Variants in VPS50 observed in about 807,000 individuals in gnomAD.
VPS50 encodes VPS50 subunit of EARP/GARPII complex, also known as syndetin.
VPS50 carries 70 observed loss-of-function variants against 139.7 expected under a neutral mutation model. The observed-to-expected ratio is 0.50, with a 90% CI of 0.41 to 0.61. The LOEUF is 0.61. Among genes scored for constraint, VPS50 ranks in the 20% least tolerant of loss-of-function variants. The pLI is 0.00. For synonymous variants in VPS50, 365 were observed against 376.7 expected (o/e 0.97, Z 0.36); for missense variants, 921 against 1,133.7 (o/e 0.81, Z 2.69).
chr7:93,316,225 C>A (rs191358060), intron 20 of VPS50, among the ~76,000 whole-genome samples: 2 of 152,100 alleles, frequency 1.3e-5, no homozygotes, highest in Admixed American at 1.3e-4. Context: ...CATGACGGGG[C>A]CTGGAGGCAG....
chr7:93,350,119 TTA>T (rs1357186072), intron 25 of VPS50, 86 bp downstream of exon 25: 2 of 824,206 alleles, frequency 2.4e-6, no homozygotes, highest in Non-Finnish European at 3.7e-6. Flanking sequence ...AATAGTAAGA[TTA>T]TAGTTATTAC....
chr7:93,326,453 T>TAA (rs746975999), intron 21 of VPS50, among the ~76,000 whole-genome samples: 76 of 127,414 alleles, frequency 6.0e-4, no homozygotes, highest in South Asian at 2.6e-3. Flanking sequence ...ATAATAATAA[T>TAA]AAAAAAAAAA....
chr7:93,240,249 ACTCTCT>A (rs4015280), intron 2 of VPS50, among the ~76,000 whole-genome samples: 3 of 109,314 alleles, frequency 2.7e-5, no homozygotes, highest in Non-Finnish European at 5.6e-5. Context: ...ACACACACAC[ACTCTCT>A]CTCTCTCTCT....
chr7:93,268,687 A>G (rs1039793243), intron 9 of VPS50, among the ~76,000 whole-genome samples: 13 of 152,154 alleles, frequency 8.5e-5, no homozygotes, highest in Admixed American at 4.6e-4. Context: ...ATAGTATCCA[A>G]TGGTGTATAT....
chr7:93,243,552 T>G (rs1281104929), intron 2 of VPS50, among the ~76,000 whole-genome samples: 1 of 151,988 alleles, frequency 6.6e-6, no homozygotes, highest in Non-Finnish European at 1.5e-5. Flanking sequence ...GACCTAAAAT[T>G]TCATTCTTCG....
At chr7:93,251,288 A>T (rs1047039479) in intron 2 of VPS50, among the ~76,000 whole-genome samples, 2 of 152,198 alleles carry the variant, frequency 1.3e-5, no homozygotes, top group Non-Finnish European at 2.9e-5. Flanking sequence ...AATGCCCATC[A>T]AGGATAGACT....
chr7:93,278,780 G>A (rs188208926), intron 12 of VPS50, among the ~76,000 whole-genome samples: 1 of 144,848 alleles, frequency 6.9e-6, no homozygotes, highest in East Asian at 2.0e-4. Context: ...GTGATAGTAG[G>A]TGATATATAT....
chr7:93,311,451 T>G (rs1384050975), intron 20 of VPS50, among the ~76,000 whole-genome samples, 179 bp downstream of exon 20: 1 of 152,170 alleles, frequency 6.6e-6, no homozygotes, highest in Non-Finnish European at 1.5e-5. Flanking sequence ...ATACTAATAG[T>G]AATGCCAGTT....
chr7:93,294,389 A>G (rs116328235), intron 13 of VPS50, among the ~76,000 whole-genome samples, 156 bp from the exon 14 acceptor site: 2,275 of 152,198 alleles, frequency 0.015, 70 homozygotes, highest in African/African-American at 0.052. Flanking sequence ...TAAGTCTAAT[A>G]CCTATTGTTT....
chr7:93,320,973 C>T (rs1290096670), intron 20 of VPS50: 1 of 152,192 alleles, frequency 6.6e-6, no homozygotes, highest in Admixed American at 6.5e-5. Context: ...TACTGTCTGT[C>T]ATCTACAACA....
intron 20 of VPS50, among the ~76,000 whole-genome samples, chr7:93,314,758 G>A (rs1797373307): frequency 6.6e-6 from 1 of 152,116 alleles, no homozygotes; most frequent in African/African-American, 2.4e-5. Flanking sequence ...TAGGTATAAT[G>A]TGCCTGAGAT....
intron 10 of VPS50, 99 bp downstream of exon 10, chr7:93,271,361 A>G: frequency 1.4e-6 from 2 of 1,393,020 alleles, no homozygotes; most frequent in Non-Finnish European, 1.9e-6. Flanking sequence ...TGTTATTACC[A>G]ATGTCTCTAG....
chr7:93,309,196 G>T (rs1258564426), intron 19 of VPS50, among the ~76,000 whole-genome samples: 1 of 151,858 alleles, frequency 6.6e-6, no homozygotes, highest in Non-Finnish European at 1.5e-5. Flanking sequence ...AACCTTTGCT[G>T]GTATCTCACA....
In VPS50 at chr7:93,276,611, TTC is replaced by T. The variant is rs375183774; in HGVS notation, c.942+308_942+309del. Among the ~76,000 whole-genome samples the T allele has an allele frequency of 1.2e-3, 188 of 152,304 alleles. 1 individual carries two copies. The highest frequency in any genetic ancestry group is 4.3e-3 in the African/African-American group (180 of 41,572). Reference sequence around the variant, plus strand: ...TCTCTTATGAATGCATCCAGTAGGCTTCTAAGCAACCATCATTGCTGGTTTTC... The same window carrying T: ...TCTCTTATGAATGCATCCAGTAGGCTTAAGCAACCATCATTGCTGGTTTTC... On this transcript the variant is annotated intron_variant, in intron 12 of 27. Transcript: ENST00000305866.
chr7:93,259,592 CA>C lies in VPS50; in HGVS notation c.624del (p.Ala209LeufsTer11). The C allele has an allele frequency of 1.2e-6, 2 of 1,602,762 alleles. No homozygotes were observed. Among genetic ancestry groups the C allele is most frequent in the Non-Finnish European group, 1.7e-6 (2 of 1,170,250 alleles). The stretch of plus-strand genomic sequence containing the variant: ...AGCTATTCAGTTGTGCCTTGAATGT[CA>C]AAAAGCTGCCAGCACTTTTAAACAT... Reference protein sequence around the residue: ...PGAIQLCLECQKAASTFKHYS... With the variant: ...PGAIQLCLECXKAASTFKHYS... On this transcript the variant is annotated frameshift_variant, in exon 9 of 28. Transcript: ENST00000305866. LOFTEE classifies it high-confidence loss of function.
At chr7:93,283,382 C>T (rs1200678173) in intron 12 of VPS50, among the ~76,000 whole-genome samples, 2 of 151,822 alleles carry the variant, frequency 1.3e-5, no homozygotes, top group African/African-American at 4.8e-5. Flanking sequence ...GATTACAGCT[C>T]CCACCACCAC....
At chr7:93,349,351 A>C (rs915668431) in intron 24 of VPS50, among the ~76,000 whole-genome samples, 1 of 152,196 alleles carries the variant, frequency 6.6e-6, no homozygotes, top group Non-Finnish European at 1.5e-5. Context: ...AACCACTGGC[A>C]TGTAAAGCAC....
At chr7:93,287,489 T>C (rs183547777) in intron 12 of VPS50, among the ~76,000 whole-genome samples, 1 of 151,828 alleles carries the variant, frequency 6.6e-6, no homozygotes, top group East Asian at 1.9e-4. Flanking sequence ...AAATAGAAGA[T>C]AGTAGGTTTA....
intron 9 of VPS50, among the ~76,000 whole-genome samples, chr7:93,264,038 A>G (rs1795766994): frequency 1.3e-5 from 2 of 152,226 alleles, no homozygotes; most frequent in African/African-American, 4.8e-5. Context: ...GCCATTTTAT[A>G]TAAAGAACTT....
Sources: allele counts gnomAD v4.1 joint callset (sites outside exome capture counted in the v4.1 genomes callset), GRCh38; gene constraint gnomAD v4.1.1; transcripts MANE v1.5; gene names NCBI Gene and HGNC (gene_info 2026-07-23, HGNC 2026-07-21).